MAP4K3: variants seen among roughly 807,000 people sequenced by gnomAD.
MAP4K3 encodes the protein MAPK/ERK kinase kinase kinase 3.
Under a neutral mutation model 143.5 loss-of-function variants are expected in MAP4K3, and 94 were observed. The ratio of observed to expected loss-of-function variants is 0.65; its 90% confidence interval spans 0.55 to 0.78. The LOEUF (loss-of-function observed/expected upper bound fraction) is 0.78, where lower values mean the gene tolerates loss of function less well. MAP4K3 is among the 30% of genes least tolerant of loss of function. The pLI is 0.00. For synonymous variants in MAP4K3, 416 were observed against 347.2 expected, an observed-to-expected ratio of 1.20 and a Z score of -2.20; for missense variants, 1,077 against 1,068.1, an observed-to-expected ratio of 1.01 and a Z score of -0.12.
chr2:39,355,807 C>T (rs1027074223), intron 3 of MAP4K3, among the ~76,000 whole-genome samples: 2 of 152,040 alleles, frequency 1.3e-5, no homozygotes, highest in Admixed American at 1.3e-4. Context: ...GATTATAGTT[C>T]CTAGTTCTTT....
At chr2:39,412,136 A>C (rs1667247969) in intron 1 of MAP4K3, among the ~76,000 whole-genome samples, 1 of 152,236 alleles carries the variant, frequency 6.6e-6, no homozygotes. Flanking sequence ...AACTGCAATG[A>C]TTTGCCAAAT....
chr2:39,412,495 G>T (rs753083633), intron 1 of MAP4K3, among the ~76,000 whole-genome samples: 1 of 151,802 alleles, frequency 6.6e-6, no homozygotes, highest in Admixed American at 6.6e-5. Context: ...GTCCTAGGCA[G>T]GAGGAAAAGC....
chr2:39,262,748 C>A (rs1029995241), intron 28 of MAP4K3, among the ~76,000 whole-genome samples: 2 of 152,094 alleles, frequency 1.3e-5, no homozygotes, highest in African/African-American at 4.8e-5. Flanking sequence ...CGGTGCCTTG[C>A]CTGCAATAGG....
At chr2:39,312,603 T>A (rs1018428962) in intron 13 of MAP4K3, among the ~76,000 whole-genome samples, 4 of 152,184 alleles carry the variant, frequency 2.6e-5, no homozygotes, top group Admixed American at 1.3e-4. Context: ...CCCTGTAATA[T>A]CTCCAGTTAT....
At chr2:39,355,283 C>T (rs558409852) in intron 3 of MAP4K3, among the ~76,000 whole-genome samples, 5 of 150,490 alleles carry the variant, frequency 3.3e-5, no homozygotes, top group African/African-American at 9.9e-5. Flanking sequence ...ATCACTTGAA[C>T]CCGGGAGGTG....
At position 39,436,874 on chromosome 2, in the gene MAP4K3, C is replaced by T. The variant is rs2148644951; in HGVS notation, c.96+18G>A. The stretch of plus-strand genomic sequence containing the variant: ...TCGGGATCCCACGGCCTCGGCGGCG[C>T]GCGGCCCCTGCCTTTACCTTGTAGA... On this transcript the variant is annotated intron_variant, in intron 1 of 33. Coordinates refer to ENST00000263881, the MANE Select transcript of MAP4K3 (RefSeq NM_003618.4). 3 of 1,583,192 alleles carry T rather than the reference C, an allele frequency of 1.9e-6. No homozygotes were observed. The highest frequency in any genetic ancestry group is 2.6e-6 in the Non-Finnish European group (3 of 1,165,800).
intron 18 of MAP4K3, 49 bp downstream of exon 18, chr2:39,292,724 A>T (rs775650203): frequency 7.0e-7 from 1 of 1,437,296 alleles, no homozygotes; most frequent in South Asian, 1.1e-5. Flanking sequence ...TGATGAAATC[A>T]GGTCAAATGA....
chr2:39,351,632 C>G (rs1013197589), intron 3 of MAP4K3, among the ~76,000 whole-genome samples: 36 of 152,158 alleles, frequency 2.4e-4, no homozygotes, highest in African/African-American at 8.7e-4. Flanking sequence ...GTAAAGTATG[C>G]TCATCTAAAC....
At position 39,325,494 on chromosome 2, in the gene MAP4K3, C is replaced by T. The variant is rs113059583; in HGVS notation, c.918+24G>A. The T allele has an allele frequency of 4.3e-3, 6,515 of 1,513,856 alleles. 28 individuals carry two copies. The highest frequency in any genetic ancestry group is 6.1e-3 in the Middle Eastern group (28 of 4,560). 93.8% of individuals were successfully genotyped at this position (1,513,856 alleles called of 1,614,324 possible). On this transcript the variant is annotated intron_variant, in intron 12 of 33. Transcript: ENST00000263881. ...CATACACATATACATGTTATATATGCCCGCTGGTAAAAGCAATTCCTACCT... is the reference window on the plus strand; with the variant it reads ...CATACACATATACATGTTATATATGTCCGCTGGTAAAAGCAATTCCTACCT...
chr2:39,414,182 C>T (rs2148620507), intron 1 of MAP4K3, among the ~76,000 whole-genome samples: 1 of 152,286 alleles, frequency 6.6e-6, no homozygotes. Flanking sequence ...CACTCACCAA[C>T]CTCTCCATCA....
intron 15 of MAP4K3, among the ~76,000 whole-genome samples, chr2:39,304,999 T>C (rs1275856823): frequency 1.3e-5 from 2 of 152,112 alleles, no homozygotes; most frequent in Non-Finnish European, 2.9e-5. Context: ...ACAAGATAAC[T>C]AGAGAAGTCA....
intron 8 of MAP4K3, among the ~76,000 whole-genome samples, chr2:39,327,838 C>T (rs1401968014): frequency 1.3e-5 from 2 of 151,590 alleles, no homozygotes; most frequent in East Asian, 3.8e-4. Flanking sequence ...CCTAACTTGC[C>T]TCCCCTTACT....
chr2:39,328,056 A>G (rs1683550353), intron 8 of MAP4K3, among the ~76,000 whole-genome samples: 1 of 152,146 alleles, frequency 6.6e-6, no homozygotes, highest in African/African-American at 2.4e-5. Context: ...GCTGGCCGGG[A>G]GCAGTGGCTC....
At chr2:39,256,973 C>T (rs1680365606) in intron 31 of MAP4K3, among the ~76,000 whole-genome samples, 1 of 152,158 alleles carries the variant, frequency 6.6e-6, no homozygotes, top group Non-Finnish European at 1.5e-5. Flanking sequence ...TTGACCCTGG[C>T]TATGTCTTTG....
At chr2:39,347,397 C>T (rs1229113734) in intron 3 of MAP4K3, among the ~76,000 whole-genome samples, 1 of 152,106 alleles carries the variant, frequency 6.6e-6, no homozygotes, top group Non-Finnish European at 1.5e-5. Context: ...TGTTAAATGC[C>T]AGCCTAGAGT....
chr2:39,383,357 A>C (rs536447272), intron 1 of MAP4K3, among the ~76,000 whole-genome samples: 3 of 152,126 alleles, frequency 2.0e-5, no homozygotes, highest in African/African-American at 7.2e-5. Context: ...AAACCATCAG[A>C]TCTCATGAGA....
At chr2:39,335,188 C>G (rs1211029720) in intron 6 of MAP4K3, among the ~76,000 whole-genome samples, 3 of 152,062 alleles carry the variant, frequency 2.0e-5, no homozygotes, top group Non-Finnish European at 4.4e-5. Flanking sequence ...GTAAAGGCAT[C>G]TGGACTTTAT....
At chr2:39,300,044 A>G (rs1392306433) in intron 15 of MAP4K3, among the ~76,000 whole-genome samples, 1 of 152,032 alleles carries the variant, frequency 6.6e-6, no homozygotes, top group Non-Finnish European at 1.5e-5. Flanking sequence ...ATTTTTGGTT[A>G]CTGTTACTTT....
chr2:39,299,302 C>T (rs187878293), intron 16 of MAP4K3, among the ~76,000 whole-genome samples: 6 of 152,104 alleles, frequency 3.9e-5, no homozygotes, highest in Non-Finnish European at 7.4e-5. Flanking sequence ...TTCAGACACA[C>T]ATTTTAACTG....
Sources: allele counts gnomAD v4.1 joint callset (sites outside exome capture counted in the v4.1 genomes callset), GRCh38; gene constraint gnomAD v4.1.1; transcripts MANE v1.5; gene names NCBI Gene and HGNC (gene_info 2026-07-23, HGNC 2026-07-21).